The following DGKB variants were observed in gnomAD, a reference collection of about 807,000 sequenced individuals.
DGKB encodes the protein diacylglycerol kinase beta.
DGKB carries 67 observed loss-of-function variants against 114.3 expected under a neutral mutation model. That is an observed-to-expected ratio of 0.59 (90% CI 0.48 to 0.72). The LOEUF (loss-of-function observed/expected upper bound fraction) is 0.72. Among genes scored for constraint, DGKB ranks in the 30% least tolerant of loss-of-function variants. The probability of loss-of-function intolerance (pLI) is 0.00; values close to 1 mark genes in which losing one functional copy is unlikely to be tolerated. For synonymous variants in DGKB, 398 were observed against 323.1 expected (o/e 1.23, Z -2.49); for missense variants, 907 against 975.2 (o/e 0.93, Z 0.93).
intron 15 of DGKB, among the ~76,000 whole-genome samples, chr7:14,620,718 A>T (rs972910397): frequency 6.6e-6 from 1 of 151,806 alleles, no homozygotes; most frequent in African/African-American, 2.4e-5. Flanking sequence ...AGAGGTAAGT[A>T]AATGTTATAC....
intron 24 of DGKB, among the ~76,000 whole-genome samples, chr7:14,177,252 T>C (rs1473983174): frequency 6.6e-6 from 1 of 152,072 alleles, no homozygotes; most frequent in Admixed American, 6.6e-5. Flanking sequence ...AAGGTGTTTC[T>C]CCCAGTTCTT....
At chr7:14,166,964 C>T (rs1446571738) in intron 25 of DGKB, among the ~76,000 whole-genome samples, 1 of 152,148 alleles carries the variant, frequency 6.6e-6, no homozygotes, top group African/African-American at 2.4e-5. Flanking sequence ...AATCCTACCA[C>T]TTTGGGAGGC....
At chr7:14,858,703 T>A (rs1850531989) in intron 1 of DGKB, among the ~76,000 whole-genome samples, 1 of 151,998 alleles carries the variant, frequency 6.6e-6, no homozygotes. Context: ...AAGAGAAAGA[T>A]CAACCAGATC....
intron 23 of DGKB, among the ~76,000 whole-genome samples, chr7:14,181,876 A>G (rs1782680626): frequency 6.6e-6 from 1 of 152,226 alleles, no homozygotes; most frequent in Non-Finnish European, 1.5e-5. Flanking sequence ...AAGCTTTCAT[A>G]TTAGGTATTT....
intron 21 of DGKB, among the ~76,000 whole-genome samples, chr7:14,422,803 A>C (rs922711838): frequency 6.6e-6 from 1 of 152,048 alleles, no homozygotes; most frequent in African/African-American, 2.4e-5. Flanking sequence ...TAATAATAAT[A>C]GTAGTAGTAA....
At chr7:14,926,147 A>G (rs1369955622) in intron 1 of DGKB, among the ~76,000 whole-genome samples, 1 of 152,030 alleles carries the variant, frequency 6.6e-6, no homozygotes, top group African/African-American at 2.4e-5. Flanking sequence ...TAATATAATC[A>G]TGATTTTTCT....
intron 20 of DGKB, among the ~76,000 whole-genome samples, chr7:14,485,063 G>A (rs1171362128): frequency 4.7e-5 from 7 of 148,996 alleles, no homozygotes; most frequent in African/African-American, 1.7e-4. Context: ...GTCCTATGGG[G>A]AAAAATGATA....
At chr7:14,591,583 T>A (rs1349292567) in intron 17 of DGKB, among the ~76,000 whole-genome samples, 1 of 152,042 alleles carries the variant, frequency 6.6e-6, no homozygotes, top group Non-Finnish European at 1.5e-5. Flanking sequence ...ACTATAACAT[T>A]CCATAAAGTT....
chr7:14,375,054 G>A (rs1400458191), intron 21 of DGKB, among the ~76,000 whole-genome samples: 4 of 152,060 alleles, frequency 2.6e-5, no homozygotes, highest in African/African-American at 9.7e-5. Flanking sequence ...TGGTGATAAA[G>A]CATCTCAACA....
chr7:14,952,135 G>T (rs942317568), intron 1 of DGKB, among the ~76,000 whole-genome samples: 2 of 151,980 alleles, frequency 1.3e-5, no homozygotes, highest in African/African-American at 4.8e-5. Flanking sequence ...TATACAAAGA[G>T]GAATGCTATG....
Position 14,284,853 on chromosome 7 carries a change from G to C in DGKB, c.2122+53662C>G, listed in dbSNP as rs574078570. ...AGGAAGGGGAACATCACACTCTGGG[G>C]ACTGTTTTGGGGTGGGGGGAGGGGG... On this transcript the variant is annotated intron_variant, in intron 23 of 25. Transcript: ENST00000402815. Among the ~76,000 whole-genome samples the C allele has an allele frequency of 2.4e-3, 291 of 123,784 alleles. 1 individual carries two copies. The highest frequency in any genetic ancestry group is 8.2e-3 in the African/African-American group (267 of 32,440). The allele number at this position is 123,784 out of a possible 152,430, so 81.2% of individuals were successfully genotyped here.
chr7:14,960,515 CA>C (rs1786779384), intron 1 of DGKB, among the ~76,000 whole-genome samples: 1 of 151,434 alleles, frequency 6.6e-6, no homozygotes, highest in African/African-American at 2.4e-5. Context: ...AAAGTATCAT[CA>C]ATAAAGAAAT....
At chr7:14,324,221 G>A (rs898346707) in intron 23 of DGKB, among the ~76,000 whole-genome samples, 5 of 152,078 alleles carry the variant, frequency 3.3e-5, no homozygotes, top group African/African-American at 9.7e-5. Context: ...GGTCAAGGCC[G>A]ACAGATCACT....
intron 1 of DGKB, among the ~76,000 whole-genome samples, chr7:14,974,295 G>C (rs1253570716): frequency 6.6e-6 from 1 of 151,962 alleles, no homozygotes; most frequent in African/African-American, 2.4e-5. Context: ...GGACACCCCT[G>C]GGGAAAGGGG....
intron 21 of DGKB, among the ~76,000 whole-genome samples, chr7:14,404,103 G>A (rs1823564153): frequency 6.6e-6 from 1 of 151,274 alleles, no homozygotes. Flanking sequence ...TTAGTGTAAG[G>A]TGCAAAATTA....
chr7:14,434,591 G>T (rs1302541767), intron 21 of DGKB, among the ~76,000 whole-genome samples: 4 of 152,152 alleles, frequency 2.6e-5, no homozygotes, highest in Admixed American at 1.3e-4. Context: ...CAGCTCATTG[G>T]ACACTTTGAT....
chr7:14,148,427 C>T lies in DGKB; in HGVS notation c.*704G>A, dbSNP rs993236681. On this transcript the variant is annotated 3_prime_UTR_variant, in exon 26 of 26. Transcript: ENST00000402815. ...CTCATGCAGAAAGGAACAAGGCTTG[C>T]CATATTACCACACTTGACTGTCAAG... 23 of 152,504 alleles carry T rather than the reference C, an allele frequency of 1.5e-4. No individual in the cohort carries two copies. The highest frequency in any genetic ancestry group is 7.2e-4 in the Admixed American group (11 of 15,248). 9.4% of individuals were successfully genotyped at this position (152,504 alleles called of 1,614,324 possible). A position where few individuals can be genotyped will look rare whatever the true frequency, so the allele number is the denominator to read the frequency against.
At chr7:14,955,067 G>A (rs1479617484) in intron 1 of DGKB, among the ~76,000 whole-genome samples, 1 of 151,950 alleles carries the variant, frequency 6.6e-6, no homozygotes, top group Non-Finnish European at 1.5e-5. Flanking sequence ...CTGACTGTAG[G>A]GTTGTGAAAG....
At chr7:14,509,684 G>A (rs943837285) in intron 20 of DGKB, among the ~76,000 whole-genome samples, 9 of 152,136 alleles carry the variant, frequency 5.9e-5, no homozygotes, top group Admixed American at 5.9e-4. Context: ...GGCAGAGCCC[G>A]AGAGCTCTGG....
Sources: gnomAD v4.1 joint callset for allele counts (sites outside exome capture counted in the v4.1 genomes callset) on GRCh38, gnomAD v4.1.1 for gene constraint, MANE v1.5 for transcripts, NCBI Gene and HGNC (gene_info 2026-07-23, HGNC 2026-07-21) for gene names.